The following EGFLAM variants were observed in gnomAD, a reference collection of about 807,000 sequenced individuals.
EGFLAM encodes the protein EGF like, fibronectin type III and laminin G domains.
A neutral mutation model predicts 113.1 loss-of-function variants in EGFLAM; 79 were observed. That is an observed-to-expected ratio of 0.70 (90% CI 0.58 to 0.84). The LOEUF is 0.84. EGFLAM is among the 40% of genes least tolerant of loss of function. The pLI, the probability that EGFLAM is intolerant of heterozygous loss-of-function variation, is 0.00. For synonymous variants in EGFLAM, 504 were observed against 487.6 expected, an observed-to-expected ratio of 1.03 and a Z score of -0.44; for missense variants, 1,265 against 1,291.6, an observed-to-expected ratio of 0.98 and a Z score of 0.32.
At chr5:38,429,548 G>T (rs184113685) in intron 14 of EGFLAM, among the ~76,000 whole-genome samples, 179 of 152,238 alleles carry the variant, frequency 1.2e-3, no homozygotes, top group African/African-American at 4.1e-3. Context: ...GTCTCTTTCT[G>T]CACACCTCAC....
intron 6 of EGFLAM, among the ~76,000 whole-genome samples, chr5:38,383,932 G>A (rs892425352): frequency 1.3e-5 from 2 of 152,072 alleles, no homozygotes; most frequent in South Asian, 2.1e-4. Flanking sequence ...TGAGAAAAAT[G>A]ATAGGAAGTG....
intron 2 of EGFLAM, 131 bp downstream of exon 2, chr5:38,337,760 A>C: frequency 2.6e-6 from 2 of 756,002 alleles, no homozygotes; most frequent in South Asian, 3.8e-5. Flanking sequence ...ATAAAGCTAG[A>C]AGAAATGTCC....
At chr5:38,349,618 G>A (rs1739561375) in intron 3 of EGFLAM, among the ~76,000 whole-genome samples, 1 of 151,880 alleles carries the variant, frequency 6.6e-6, no homozygotes, top group Non-Finnish European at 1.5e-5. Context: ...CACTACAATG[G>A]GCTGCTGCTT....
chr5:38,442,057 T>A lies in EGFLAM; in HGVS notation c.2464+3602T>A, dbSNP rs142000490. Among the ~76,000 whole-genome samples the A allele has an allele frequency of 4.7e-4, 71 of 152,270 alleles. 2 individuals carry two copies. The East Asian group carries it at 0.013, about 27-fold the overall frequency. ...ATACTGACCTACCACACATGCAACA[T>A]TTAGGGCATTTATGTTGTGTTTACT... On this transcript the variant is annotated intron_variant, in intron 17 of 21. Transcript: ENST00000322350.
chr5:38,422,759 C>T (rs1410847593), intron 12 of EGFLAM, among the ~76,000 whole-genome samples: 2 of 152,164 alleles, frequency 1.3e-5, no homozygotes, highest in African/African-American at 2.4e-5. Context: ...GCTGTGAGGT[C>T]TATTGGTCAC....
At chr5:38,417,357 A>C (rs4455581) in intron 11 of EGFLAM, among the ~76,000 whole-genome samples, 31 of 141,452 alleles carry the variant, frequency 2.2e-4, no homozygotes, top group Non-Finnish European at 3.4e-4. Flanking sequence ...CAAAAAAAAA[A>C]AAAAAAAAAA....
At chr5:38,361,113 A>G (rs1739909471) in intron 5 of EGFLAM, among the ~76,000 whole-genome samples, 1 of 148,946 alleles carries the variant, frequency 6.7e-6, no homozygotes, top group Non-Finnish European at 1.5e-5. Context: ...TGATCCACCC[A>G]CCTCAGCCTC....
At chr5:38,343,233 ATC>A (rs1244862065) in intron 3 of EGFLAM, among the ~76,000 whole-genome samples, 1 of 151,884 alleles carries the variant, frequency 6.6e-6, no homozygotes, top group Non-Finnish European at 1.5e-5. Context: ...GTGAAACCCC[ATC>A]TCTACTAAAA....
At chr5:38,273,780 C>T (rs763140013) in intron 1 of EGFLAM, among the ~76,000 whole-genome samples, 24 of 152,218 alleles carry the variant, frequency 1.6e-4, no homozygotes, top group Non-Finnish European at 1.5e-5. Context: ...TCTGCTTCAT[C>T]AATGTGCAGA....
At position 38,464,007 on chromosome 5, in the gene EGFLAM, G is replaced by C; in HGVS notation, c.*21G>C. ...AGTAACACCAGCTGGCCTTGTCCAAGGGACAGAGCCTTCTATTCTGAGAAT... is the reference window on the plus strand; with the variant it reads ...AGTAACACCAGCTGGCCTTGTCCAACGGACAGAGCCTTCTATTCTGAGAAT... On this transcript the variant is annotated 3_prime_UTR_variant, in exon 22 of 22. Transcript: ENST00000322350. 8 of 1,614,110 alleles carry C rather than the reference G, an allele frequency of 5.0e-6. No homozygotes were observed. Among genetic ancestry groups the C allele is most frequent in the Non-Finnish European group, 6.8e-6 (8 of 1,179,990 alleles).
chr5:38,303,836 A>G (rs934206045), intron 1 of EGFLAM, among the ~76,000 whole-genome samples: 2 of 152,136 alleles, frequency 1.3e-5, no homozygotes, highest in South Asian at 4.1e-4. Flanking sequence ...CTTAACAGAC[A>G]TAAGAAAACA....
In EGFLAM at chr5:38,327,757, T is replaced by TTAGTGATAGTACTAAC. The variant is rs552864619; in HGVS notation, c.98-9750_98-9735dup. On this transcript the variant is annotated intron_variant, in intron 1 of 21. Transcript: ENST00000322350. ...ACATTTGTCAAATCTAAACAATGAATTAGTGATAGTACTAACTAGTGATAG... is the reference window on the plus strand; with the variant it reads ...ACATTTGTCAAATCTAAACAATGAATTAGTGATAGTACTAACTAGTGATAGTACTAACTAGTGATAG... Among the ~76,000 whole-genome samples, 174 of 152,324 alleles carry TTAGTGATAGTACTAAC rather than the reference T, an allele frequency of 1.1e-3. 2 individuals are homozygous for TTAGTGATAGTACTAAC. The highest frequency in any genetic ancestry group is 3.9e-3 in the African/African-American group (163 of 41,572).
intron 15 of EGFLAM, among the ~76,000 whole-genome samples, chr5:38,433,384 G>A (rs920883994): frequency 7.2e-5 from 11 of 152,222 alleles, no homozygotes; most frequent in African/African-American, 2.4e-4. Context: ...CAGCCTGGAA[G>A]TTTGCTCAGC....
intron 1 of EGFLAM, among the ~76,000 whole-genome samples, chr5:38,287,239 A>G (rs1758188097): frequency 6.6e-6 from 1 of 152,192 alleles, no homozygotes; most frequent in African/African-American, 2.4e-5. Context: ...TTTTTCTTTC[A>G]TGTGTAAAAT....
chr5:38,400,653 G>T (rs923554178), intron 6 of EGFLAM, among the ~76,000 whole-genome samples: 5 of 152,176 alleles, frequency 3.3e-5, no homozygotes, highest in Admixed American at 2.0e-4. Context: ...ATCATGCTGT[G>T]ACTGGTTCTC....
chr5:38,272,772 G>GTGTC (rs1561257551), intron 1 of EGFLAM, among the ~76,000 whole-genome samples: 5 of 152,104 alleles, frequency 3.3e-5, no homozygotes, highest in African/African-American at 7.2e-5. Context: ...GTGTGTGTGT[G>GTGTC]TGTGTCTGTG....
intron 1 of EGFLAM, among the ~76,000 whole-genome samples, chr5:38,259,299 G>A (rs1019549997): frequency 5.9e-5 from 9 of 152,170 alleles, no homozygotes; most frequent in African/African-American, 1.7e-4. Context: ...CCCATCTCGG[G>A]TCCTGCCCAC....
At chr5:38,353,479 G>T (rs1739683021) in intron 5 of EGFLAM, among the ~76,000 whole-genome samples, 1 of 152,168 alleles carries the variant, frequency 6.6e-6, no homozygotes, top group Non-Finnish European at 1.5e-5. Context: ...CTGGGACAAA[G>T]GATTCTCCCA....
chr5:38,371,765 C>A (rs189047558), intron 6 of EGFLAM, among the ~76,000 whole-genome samples: 3 of 152,174 alleles, frequency 2.0e-5, no homozygotes, highest in Non-Finnish European at 4.4e-5. Context: ...CAAAGGCTGA[C>A]GGCATTCTTC....
Sources: gnomAD v4.1 joint callset for allele counts (sites outside exome capture counted in the v4.1 genomes callset) on GRCh38, gnomAD v4.1.1 for gene constraint, MANE v1.5 for transcripts, NCBI Gene and HGNC (gene_info 2026-07-23, HGNC 2026-07-21) for gene names.